ATAD3B: variants seen among roughly 807,000 people sequenced by gnomAD.
The protein encoded by ATAD3B is ATPase family AAA domain containing 3B.
In ATAD3B, 59 loss-of-function variants were observed where a neutral mutation model predicts 70.2. The observed-to-expected ratio is 0.84, with a 90% CI of 0.68 to 1.04. The LOEUF (loss-of-function observed/expected upper bound fraction) is 1.04, where lower values mean the gene tolerates loss of function less well. Among genes scored for constraint, ATAD3B ranks in the 50% least tolerant of loss-of-function variants. ATAD3B has a pLI of 0.00. For missense variants in ATAD3B, 961 were observed against 913.4 expected (o/e 1.05, Z -0.67); for synonymous variants, 423 against 388.6 (o/e 1.09, Z -1.04).
In ATAD3B at chr1:1,495,989, C is replaced by G; in HGVS notation, c.*172C>G. ...CCTGGGGCAGAAGGAGTGGGGCAGG[C>G]GGGGTCTTTGTTCTCGGCTCCCACA... On this transcript the variant is annotated 3_prime_UTR_variant, in exon 16 of 16. Coordinates refer to ENST00000673477, the MANE Select transcript of ATAD3B (RefSeq NM_031921.6). 1 of 1,359,454 alleles carries G rather than the reference C, an allele frequency of 7.4e-7. No individual in the cohort carries two copies. Among genetic ancestry groups the G allele is most frequent in the East Asian group, 2.7e-5 (1 of 37,716 alleles). 84.2% of individuals were successfully genotyped at this position (1,359,454 alleles called of 1,614,324 possible).
chr1:1,500,606 TA>T (rs1207723578), downstream of ATAD3B, among the ~76,000 whole-genome samples: 1 of 148,994 alleles, frequency 6.7e-6, no homozygotes, highest in African/African-American at 2.5e-5. Flanking sequence ...TTCAGTCTAA[TA>T]TATATATATA....
chr1:1,492,783 A>T lies in ATAD3B; in HGVS notation c.1614+2112A>T, dbSNP rs1432200992. On this transcript the variant is annotated intron_variant, in intron 15 of 15. Transcript: ENST00000673477. ...TGAAACCCCATCTCTACTAAAAAAT[A>T]AAAAAATTATCCAGGCGTGGTGGCT... Among the ~76,000 whole-genome samples, 5 of 151,790 alleles carry T rather than the reference A, an allele frequency of 3.3e-5. No individual in the cohort carries two copies. In the East Asian group the frequency reaches 9.7e-4, roughly 30 times the overall value.
At position 1,490,245 on chromosome 1, in the gene ATAD3B, C is replaced by G; in HGVS notation, c.1338-12C>G. On this transcript the variant is annotated splice_polypyrimidine_tract_variant and intron_variant, in intron 13 of 15. Coordinates refer to ENST00000673477, the MANE Select transcript of ATAD3B (RefSeq NM_031921.6). ...CAGCCCCAGCGTTTCCTTCCCCATC[C>G]CTGTCCTACAGATTCATGCTGGTCC... is the stretch of plus-strand genomic sequence containing the variant. 4 of 1,609,544 alleles carry G rather than the reference C, an allele frequency of 2.5e-6. No homozygotes were observed.
chr1:1,475,996 G>T lies in ATAD3B; in HGVS notation c.206-1278G>T, dbSNP rs35953947. ...CACTGCTCTGTGGCAGGACCCTGGGGGACTGACACACCCTCAGTCCCCTCG... is the reference window on the plus strand; with the variant it reads ...CACTGCTCTGTGGCAGGACCCTGGGTGACTGACACACCCTCAGTCCCCTCG... On this transcript the variant is annotated intron_variant, in intron 1 of 15. Transcript: ENST00000673477. 5.0e-3 allele frequency among the ~76,000 whole-genome samples: 736 copies of T among 146,360 alleles called. 1 individual carries two copies. Among genetic ancestry groups the T allele is most frequent in the African/African-American group, 8.8e-3 (337 of 38,312 alleles).
rs1483408986 is a variant in ATAD3B, at chr1:1,496,936, T to TGGGGTGCA, written c.*1126_*1133dup. The TGGGGTGCA allele has an allele frequency of 7.2e-6, 1 of 138,208 alleles. No homozygotes were observed. Among genetic ancestry groups the TGGGGTGCA allele is most frequent in the Admixed American group, 7.1e-5 (1 of 14,168 alleles). The allele number at this position is 138,208 out of a possible 1,614,324, so 8.6% of individuals were successfully genotyped here. ...GGAAACCTTTGCTTTGGGGGCAGGG[T>TGGGGTGCA]GGGGTGCAGGGGTGGTTGGGGGAAT... On this transcript the variant is annotated 3_prime_UTR_variant, in exon 16 of 16. Transcript: ENST00000673477.
chr1:1,476,572 G>A (rs1198562524), intron 1 of ATAD3B, among the ~76,000 whole-genome samples: 2 of 151,176 alleles, frequency 1.3e-5, no homozygotes, highest in Non-Finnish European at 2.9e-5. Flanking sequence ...GCATTGCTTC[G>A]ATCTCTGCTC....
At chr1:1,506,781 TTTTTTC>T in the ATAD3B span, among the ~76,000 whole-genome samples, 1 of 149,030 alleles carries the variant, frequency 6.7e-6, no homozygotes, top group African/African-American at 2.5e-5. Context: ...TAGGATTTTC[TTTTTTC>T]TTTTTTTTTT....
At chr1:1,500,966 C>G (rs1462066486), downstream of ATAD3B, among the ~76,000 whole-genome samples, 1 of 152,038 alleles carries the variant, frequency 6.6e-6, no homozygotes, top group Non-Finnish European at 1.5e-5. Flanking sequence ...AAAAGCCACT[C>G]CAAAGGCATA....
At chr1:1,476,986 T>C (rs1639626197) in intron 1 of ATAD3B, among the ~76,000 whole-genome samples, 1 of 151,986 alleles carries the variant, frequency 6.6e-6, no homozygotes, top group Non-Finnish European at 1.5e-5. Context: ...TTTGTGTTTT[T>C]AGTGGAGACA....
At chr1:1,504,050 C>T in the ATAD3B span, among the ~76,000 whole-genome samples, 4 of 151,886 alleles carry the variant, frequency 2.6e-5, no homozygotes, top group African/African-American at 9.7e-5. Flanking sequence ...TGTCGTGGTG[C>T]GTTCTCGGCT....
Position 1,485,793 on chromosome 1 carries a change from G to A in ATAD3B, c.918G>A (p.Arg306=). 1.2e-6 allele frequency: 2 copies of A among 1,613,068 alleles called. No individual in the cohort carries two copies. The highest frequency in any genetic ancestry group is 1.7e-6 in the Non-Finnish European group (2 of 1,179,434). ...TTCCCCTCCGGCAGGTCAGCCGGCGGCTCCTCAGTCGACCCCAGGACGTGC... is the reference window on the plus strand; with the variant it reads ...TTCCCCTCCGGCAGGTCAGCCGGCGACTCCTCAGTCGACCCCAGGACGTGC... ...ALRHPIQVSR[R]LLSRPQDVLE... Residue 306 remains arginine, a synonymous_variant, in exon 9 of 16, where the codon CGG becomes CGA. Transcript: ENST00000673477.
At chr1:1,494,861 CCTTGGGGACTCCA>C (rs1244775356) in intron 15 of ATAD3B, among the ~76,000 whole-genome samples, 3 of 151,996 alleles carry the variant, frequency 2.0e-5, no homozygotes, top group Non-Finnish European at 4.4e-5. Flanking sequence ...GGGTGCCTCC[CCTTGGGGACTCCA>C]CGCCCTTCGC....
chr1:1,484,316 G>A (rs1168202803), intron 7 of ATAD3B: 6 of 151,948 alleles, frequency 3.9e-5, no homozygotes, highest in Non-Finnish European at 8.8e-5. Context: ...GAGTAGCTGG[G>A]ACTACAGGTG....
At chr1:1,485,401 G>C (rs1640150881) in intron 8 of ATAD3B, among the ~76,000 whole-genome samples, 1 of 152,032 alleles carries the variant, frequency 6.6e-6, no homozygotes. Context: ...GCTCTTGATG[G>C]GGCCTGGGAG....
At position 1,495,687 on chromosome 1, in the gene ATAD3B, G is replaced by T; in HGVS notation, c.1817G>T (p.Cys606Phe). 2 of 1,613,062 alleles carry T rather than the reference G, an allele frequency of 1.2e-6. No homozygotes were observed. Among genetic ancestry groups the T allele is most frequent in the Non-Finnish European group, 1.7e-6 (2 of 1,179,398 alleles). ...WSLATDPSYPCLAGPCTFRIC... is the reference protein window; with the variant it reads ...WSLATDPSYPFLAGPCTFRIC... Reference sequence around the variant, plus strand: ...CTGGCCACGGACCCCTCCTACCCCTGCCTTGCCGGCCCCTGCACATTTAGG... The same window carrying T: ...CTGGCCACGGACCCCTCCTACCCCTTCCTTGCCGGCCCCTGCACATTTAGG... The change falls in exon 16 of 16, where the codon TGC becomes TTC. Residue 606 changes from cysteine to phenylalanine, a missense_variant. By Grantham distance (205) the Cys-to-Phe change is radical. Around this residue, in one of 4 missense-constraint regions of ATAD3B, gnomAD observed 417 missense variants for 335.0 expected, o/e 1.24. Coordinates refer to ENST00000673477, the MANE Select transcript of ATAD3B (RefSeq NM_031921.6).
chr1:1,499,543 T>C (rs1640896525), downstream of ATAD3B, among the ~76,000 whole-genome samples: 1 of 149,456 alleles, frequency 6.7e-6, no homozygotes, highest in African/African-American at 2.5e-5. Context: ...TAGATAGATA[T>C]TATGTCTTCT....
chr1:1,483,810 G>C (rs1570236765), intron 7 of ATAD3B: 1 of 152,226 alleles, frequency 6.6e-6, no homozygotes, highest in East Asian at 1.9e-4. Context: ...TAAAAACAAA[G>C]TCAAGGGCGC....
intron 11 of ATAD3B, 70 bp from the exon 12 acceptor site, chr1:1,487,793 G>T: frequency 1.3e-6 from 2 of 1,579,862 alleles, no homozygotes. Context: ...TGCTCCTGCC[G>T]CGGCCGGACG....
intron 15 of ATAD3B, among the ~76,000 whole-genome samples, chr1:1,493,726 G>C (rs1217738928): frequency 1.3e-5 from 2 of 151,800 alleles, no homozygotes; most frequent in Non-Finnish European, 2.9e-5. Context: ...TGCTAATATT[G>C]ATTGATTTTC....
Sources: gnomAD v4.1 joint callset for allele counts (sites outside exome capture counted in the v4.1 genomes callset) on GRCh38, gnomAD v4.1.1 for gene constraint, gnomAD v4.1.1 regional missense constraint, MANE v1.5 for transcripts, NCBI Gene and HGNC (gene_info 2026-07-23, HGNC 2026-07-21) for gene names.